Variants in PIEZO2 observed in about 807,000 individuals in gnomAD.
PIEZO2 encodes the protein piezo-type mechanosensitive ion channel component 2.
Under a neutral mutation model 337.3 loss-of-function variants are expected in PIEZO2, and 172 were observed. The ratio of observed to expected loss-of-function variants is 0.51; its 90% CI spans 0.45 to 0.58. The LOEUF is 0.58. Among genes scored for constraint, PIEZO2 ranks in the 20% least tolerant of loss-of-function variants. The pLI is 0.00. For missense variants in PIEZO2, 3,028 were observed against 3,391.3 expected, an observed-to-expected ratio of 0.89 and a Z score of 2.66; for synonymous variants, 1,251 against 1,228.5, an observed-to-expected ratio of 1.02 and a Z score of -0.38.
At chr18:11,059,129 A>G (rs1338033362) in intron 2 of PIEZO2, among the ~76,000 whole-genome samples, 3 of 152,262 alleles carry the variant, frequency 2.0e-5, no homozygotes, top group African/African-American at 7.2e-5. Flanking sequence ...AGAATTTTCA[A>G]CCCAGAATTT....
At chr18:10,944,496 TATATATATATCTTAGTAACAG>T (rs1294126899) in intron 3 of PIEZO2, among the ~76,000 whole-genome samples, 2 of 25,874 alleles carry the variant, frequency 7.7e-5, no homozygotes, top group Non-Finnish European at 1.7e-4. Flanking sequence ...AACATATATA[TATATATATATCTTAGTAACAG>T]ATATATATAT....
intron 1 of PIEZO2, among the ~76,000 whole-genome samples, chr18:11,084,234 G>A (rs2038845591): frequency 6.6e-6 from 1 of 151,472 alleles, no homozygotes; most frequent in Non-Finnish European, 1.5e-5. Context: ...GCAGGAAAGG[G>A]ACCCTACTTA....
intron 1 of PIEZO2, among the ~76,000 whole-genome samples, chr18:11,067,577 C>G (rs112859072): frequency 3.3e-5 from 5 of 152,228 alleles, no homozygotes; most frequent in African/African-American, 1.2e-4. Flanking sequence ...AACCAAAGGA[C>G]AGCAGGGATA....
intron 13 of PIEZO2, among the ~76,000 whole-genome samples, chr18:10,792,974 G>A (rs751845428): frequency 1.5e-4 from 23 of 152,220 alleles, no homozygotes; most frequent in Non-Finnish European, 2.5e-4. Context: ...TAGCCATTCT[G>A]GCTGGGCACT....
intron 7 of PIEZO2, among the ~76,000 whole-genome samples, chr18:10,829,320 T>G (rs928511322): frequency 6.6e-6 from 1 of 151,682 alleles, no homozygotes; most frequent in Non-Finnish European, 1.5e-5. Flanking sequence ...ATAAAAGCCA[T>G]ATATGATAGA....
rs189453499 is a variant in PIEZO2, at chr18:10,945,729, C to T, written c.286+33806G>A. Reference sequence around the variant, plus strand: ...TCAATCAAAATCTTCCCAGAACTGCCAAAGGTGTTCAAATTGGAAGGCAAG... The same window carrying T: ...TCAATCAAAATCTTCCCAGAACTGCTAAAGGTGTTCAAATTGGAAGGCAAG... On this transcript the variant is annotated intron_variant, in intron 3 of 55. Transcript: ENST00000674853. This position sits in a 1 kb window ranked among gnomAD's most constrained non-coding sequence, Gnocchi z 4.0. Among the ~76,000 whole-genome samples, 2 of 152,070 alleles carry T rather than the reference C, an allele frequency of 1.3e-5. No homozygotes were observed.
chr18:10,952,561 G>A lies in PIEZO2; in HGVS notation c.286+26974C>T, dbSNP rs1475118062. 6.6e-6 allele frequency among the ~76,000 whole-genome samples: 1 copy of A among 152,124 alleles called. No homozygotes were observed. The highest frequency in any genetic ancestry group is 2.4e-5 in the African/African-American group (1 of 41,422). ...CCATAGTTTGTTGCTTTCTATTGTT[G>A]ACCTGTGTAGTCCATCCAGGGACCA... On this transcript the variant is annotated intron_variant, in intron 3 of 55. Coordinates refer to ENST00000674853, the MANE Select transcript of PIEZO2 (RefSeq NM_001378183.1). The surrounding 1 kb of genome is among the most constrained non-coding windows in gnomAD (Gnocchi z 4.1).
At chr18:10,907,481 G>A (rs2030058403) in intron 4 of PIEZO2, among the ~76,000 whole-genome samples, 1 of 151,980 alleles carries the variant, frequency 6.6e-6, no homozygotes, top group South Asian at 2.1e-4. Flanking sequence ...CAAGCATCAT[G>A]TTGAGATGAA....
intron 1 of PIEZO2, among the ~76,000 whole-genome samples, chr18:11,113,614 C>T (rs2146158522): frequency 6.6e-6 from 1 of 152,312 alleles, no homozygotes; most frequent in South Asian, 2.1e-4. Flanking sequence ...GTATCATGGT[C>T]ACATGATACC....
intron 2 of PIEZO2, among the ~76,000 whole-genome samples, chr18:10,989,802 C>T (rs1459393706): frequency 6.6e-6 from 1 of 151,986 alleles, no homozygotes; most frequent in African/African-American, 2.4e-5. Flanking sequence ...TTTTACACCC[C>T]ACAGATTAGA....
rs769284512 is a variant in PIEZO2, at chr18:10,726,362, C to T, written c.5029+5045G>A. 2.0e-6 allele frequency: 3 copies of T among 1,510,960 alleles called. No homozygotes were observed. The highest frequency in any genetic ancestry group is 1.4e-5 in the African/African-American group (1 of 72,278). The allele number at this position is 1,510,960 out of a possible 1,614,324, so 93.6% of individuals were successfully genotyped here. A position where few individuals can be genotyped will look rare whatever the true frequency, so the allele number is the denominator to read the frequency against. ...CAGCGCTGCCTCCCTTCGCCTTCCC[C>T]GCAGGCACCCACTACCTGCGGGGCG... On this transcript the variant is annotated intron_variant, in intron 36 of 55. Coordinates refer to ENST00000674853, the MANE Select transcript of PIEZO2 (RefSeq NM_001378183.1). The surrounding 1 kb of genome is among the most constrained non-coding windows in gnomAD (Gnocchi z 5.9).
chr18:10,932,045 T>A (rs562468590), intron 3 of PIEZO2, among the ~76,000 whole-genome samples: 3 of 152,192 alleles, frequency 2.0e-5, no homozygotes, highest in South Asian at 2.1e-4. Flanking sequence ...TTCAAACTTA[T>A]AACTAAAAAT....
In PIEZO2 at chr18:10,698,747, C is replaced by A. The variant is rs536207371; in HGVS notation, c.6694+178G>T. On this transcript the variant is annotated intron_variant, in intron 44 of 55. Transcript: ENST00000674853. ...AGGTGTTTTGGGTAATGGGGTCACA[C>A]AGCTGAGGCAGGATTTGAACTCGGG... Among the ~76,000 whole-genome samples the A allele has an allele frequency of 3.3e-5, 5 of 152,316 alleles. No homozygotes were observed. The South Asian group carries it at 8.3e-4, about 25-fold the overall frequency.
At chr18:10,972,367 G>C (rs2034277021) in intron 3 of PIEZO2, among the ~76,000 whole-genome samples, 1 of 152,062 alleles carries the variant, frequency 6.6e-6, no homozygotes, top group African/African-American at 2.4e-5. Flanking sequence ...GCAGGTCATG[G>C]GAGCAGATGA....
chr18:10,990,324 T>G (rs1598792037), intron 2 of PIEZO2, among the ~76,000 whole-genome samples: 1 of 151,880 alleles, frequency 6.6e-6, no homozygotes, highest in East Asian at 1.9e-4. Flanking sequence ...GAAATAGGAG[T>G]GAGAATTGGG....
chr18:10,817,550 A>G (rs2040397562), intron 7 of PIEZO2, among the ~76,000 whole-genome samples: 1 of 152,170 alleles, frequency 6.6e-6, no homozygotes, highest in Non-Finnish European at 1.5e-5. Context: ...TTTGATTATG[A>G]CCTTCTAAAG....
Position 10,781,086 on chromosome 18 carries a change from G to A in PIEZO2, c.2493-720C>T, listed in dbSNP as rs921271568. On this transcript the variant is annotated intron_variant, in intron 17 of 55. Transcript: ENST00000674853. This position sits in a 1 kb window ranked among gnomAD's most constrained non-coding sequence, Gnocchi z 4.1. The stretch of plus-strand genomic sequence containing the variant: ...TCAACATGTTGTTTTCTAAGGTTTT[G>A]CTAAAACTATAGTTTAAAAAAAGTC... Among the ~76,000 whole-genome samples the A allele has an allele frequency of 6.6e-6, 1 of 150,896 alleles. No individual in the cohort carries two copies. Among genetic ancestry groups the A allele is most frequent in the Non-Finnish European group, 1.5e-5 (1 of 67,880 alleles).
intron 39 of PIEZO2, among the ~76,000 whole-genome samples, chr18:10,712,345 G>A (rs1323871571): frequency 6.6e-6 from 1 of 152,088 alleles, no homozygotes. Flanking sequence ...AGCTAGACAC[G>A]GATTTTAAGT....
rs1469594207 is a variant in PIEZO2, at chr18:10,673,829, C to T, written c.8162-956G>A. Among the ~76,000 whole-genome samples, 1 of 152,084 alleles carries T rather than the reference C, an allele frequency of 6.6e-6. No homozygotes were observed. Among genetic ancestry groups the T allele is most frequent in the East Asian group, 1.9e-4 (1 of 5,182 alleles). ...TCACAGGTGTCCAATCTTTTGGGTT[C>T]GCTGGGCCACATTGGAAGAAGAAGA... On this transcript the variant is annotated intron_variant, in intron 54 of 55. Coordinates refer to ENST00000674853, the MANE Select transcript of PIEZO2 (RefSeq NM_001378183.1). The surrounding 1 kb of genome is among the most constrained non-coding windows in gnomAD (Gnocchi z 4.8).
Sources: allele counts gnomAD v4.1 joint callset (sites outside exome capture counted in the v4.1 genomes callset), GRCh38; gene constraint gnomAD v4.1.1; non-coding constraint Gnocchi (gnomAD v3.1); transcripts MANE v1.5; gene names NCBI Gene and HGNC (gene_info 2026-07-23, HGNC 2026-07-21).